RPTOR: variants seen among roughly 807,000 people sequenced by gnomAD.
RPTOR encodes regulatory-associated protein of mTOR.
Under a neutral mutation model 169.9 loss-of-function variants are expected in RPTOR, and 21 were observed. The ratio of observed to expected loss-of-function variants is 0.12; its 90% CI spans 0.09 to 0.18. RPTOR has a LOEUF of 0.18. Ranked by LOEUF, RPTOR falls within the 10% of genes least tolerant of loss-of-function variation. The probability of loss-of-function intolerance (pLI) is 1.00; values close to 1 mark genes in which losing one functional copy is unlikely to be tolerated. For missense variants in RPTOR, 1,133 were observed against 1,855.9 expected, an observed-to-expected ratio of 0.61 and a Z score of 7.16; for synonymous variants, 732 against 753.2, an observed-to-expected ratio of 0.97 and a Z score of 0.46.
At chr17:80,829,349 C>T (rs969298610) in intron 9 of RPTOR, among the ~76,000 whole-genome samples, 3 of 152,194 alleles carry the variant, frequency 2.0e-5, no homozygotes, top group African/African-American at 4.8e-5. Context: ...GGGCAGCGCC[C>T]GGGCTGTGCT....
intron 6 of RPTOR, among the ~76,000 whole-genome samples, chr17:80,775,504 A>G (rs1194520467): frequency 6.6e-6 from 1 of 152,220 alleles, no homozygotes. Flanking sequence ...TGAAAATACT[A>G]AAGTGCAGCA....
intron 1 of RPTOR, among the ~76,000 whole-genome samples, chr17:80,575,619 C>A (rs2064956074): frequency 6.6e-6 from 1 of 152,262 alleles, no homozygotes; most frequent in East Asian, 1.9e-4. Flanking sequence ...TGCTCTGTCC[C>A]TTATAGGCCC....
rs1158322066 is a variant in RPTOR at position 80,878,168 on chromosome 17, C to T, written c.1510-2247C>T. Among the ~76,000 whole-genome samples the T allele has an allele frequency of 1.3e-5, 2 of 152,190 alleles. No homozygotes were observed. The highest frequency in any genetic ancestry group is 2.9e-5 in the Non-Finnish European group (2 of 68,036). ...AGGAGCATGCTGGGAGCTGGCAGAA[C>T]GCACGCCTCACTCTGTCGATGCAGT... is the stretch of plus-strand genomic sequence containing the variant. On this transcript the variant is annotated intron_variant, in intron 13 of 33. Coordinates refer to ENST00000306801, the MANE Select transcript of RPTOR (RefSeq NM_020761.3). The surrounding 1 kb of genome is among the most constrained non-coding windows in gnomAD (Gnocchi z 4.1).
intron 11 of RPTOR, among the ~76,000 whole-genome samples, chr17:80,849,338 G>A (rs2067767988): frequency 6.6e-6 from 1 of 152,152 alleles, no homozygotes; most frequent in African/African-American, 2.4e-5. Flanking sequence ...CCAGGGTCAC[G>A]CACGGTGTCT....
At chr17:80,564,252 T>C (rs1010792976) in intron 1 of RPTOR, among the ~76,000 whole-genome samples, 40 of 152,072 alleles carry the variant, frequency 2.6e-4, no homozygotes, top group Admixed American at 1.4e-3. Flanking sequence ...TTAGTAGAGA[T>C]GGGGTTTTAC....
At chr17:80,700,689 T>A (rs2066085747) in intron 3 of RPTOR, among the ~76,000 whole-genome samples, 1 of 143,914 alleles carries the variant, frequency 6.9e-6, no homozygotes, top group East Asian at 2.0e-4. Flanking sequence ...GAGGTGGTGG[T>A]GATGGTGATG....
intron 3 of RPTOR, among the ~76,000 whole-genome samples, chr17:80,682,025 C>G (rs867545532): frequency 1.3e-5 from 2 of 151,748 alleles, no homozygotes; most frequent in African/African-American, 4.8e-5. Flanking sequence ...GCAGGCTGAC[C>G]GTTGGCCCCC....
intron 28 of RPTOR, among the ~76,000 whole-genome samples, chr17:80,954,073 C>G (rs943972405): frequency 1.3e-5 from 2 of 152,206 alleles, no homozygotes; most frequent in East Asian, 3.8e-4. Context: ...GCGGTCATCC[C>G]ACCTCAGCCT....
rs140186858 is a variant in RPTOR, at chr17:80,588,193, C to T, written c.163-37498C>T. Among the ~76,000 whole-genome samples, 1,229 of 147,846 alleles carry T rather than the reference C, an allele frequency of 8.3e-3. 23 individuals carry two copies. Among genetic ancestry groups the T allele is most frequent in the African/African-American group, 0.028 (1,134 of 39,836 alleles). On this transcript the variant is annotated intron_variant, in intron 1 of 33. Transcript: ENST00000306801. ...TTTTTTTTTTTTTGAGATGGAATCT[C>T]GCCATGTCGCCCCGGCTGGAGTGCA...
chr17:80,942,412 C>G (rs2144043248), intron 25 of RPTOR, among the ~76,000 whole-genome samples: 1 of 149,220 alleles, frequency 6.7e-6, no homozygotes, highest in African/African-American at 2.5e-5. Flanking sequence ...ATTTCTAGAC[C>G]AAAAAAAAGA....
intron 6 of RPTOR, among the ~76,000 whole-genome samples, chr17:80,789,324 T>TA (rs2067024466): frequency 6.6e-6 from 1 of 152,230 alleles, no homozygotes. Context: ...GAGGCTTCGT[T>TA]ATAGGACTAG....
chr17:80,701,832 C>T (rs547185089), intron 3 of RPTOR, among the ~76,000 whole-genome samples: 388 of 152,318 alleles, frequency 2.5e-3, no homozygotes, highest in Non-Finnish European at 3.9e-3. Flanking sequence ...CAGGGCTACC[C>T]CTGGTGGGAT....
intron 13 of RPTOR, among the ~76,000 whole-genome samples, chr17:80,877,676 G>T (rs1399488222): frequency 6.6e-6 from 1 of 152,194 alleles, no homozygotes; most frequent in Non-Finnish European, 1.5e-5. Context: ...TTTTTCTGTT[G>T]CCCTGGCCCT....
rs1484818164 is a variant in RPTOR at position 80,844,314 on chromosome 17, A to G, written c.1213-2159A>G. Among the ~76,000 whole-genome samples, 2 of 152,168 alleles carry G rather than the reference A, an allele frequency of 1.3e-5. No homozygotes were observed. Among genetic ancestry groups the G allele is most frequent in the Non-Finnish European group, 2.9e-5 (2 of 68,034 alleles). Reference sequence around the variant, plus strand: ...TTTTGTCAGTTTGAGGTGAATAGTCAGGAATTTTTCTCTTTCTGCATGGAG... The same window carrying G: ...TTTTGTCAGTTTGAGGTGAATAGTCGGGAATTTTTCTCTTTCTGCATGGAG... On this transcript the variant is annotated intron_variant, in intron 10 of 33. Coordinates refer to ENST00000306801, the MANE Select transcript of RPTOR (RefSeq NM_020761.3). This position sits in a 1 kb window ranked among gnomAD's most constrained non-coding sequence, Gnocchi z 4.7.
At chr17:80,896,996 C>T (rs916019256) in intron 20 of RPTOR, among the ~76,000 whole-genome samples, 16 of 152,218 alleles carry the variant, frequency 1.1e-4, no homozygotes, top group African/African-American at 2.9e-4. Context: ...CACGGTCCCT[C>T]ACGCCTGTAA....
intron 7 of RPTOR, among the ~76,000 whole-genome samples, chr17:80,818,541 A>G (rs2067346947): frequency 1.3e-5 from 2 of 152,172 alleles, no homozygotes; most frequent in South Asian, 4.1e-4. Flanking sequence ...ATTTAATTTT[A>G]TGTGACGTGA....
chr17:80,645,827 C>G lies in RPTOR; in HGVS notation c.348+2017C>G, dbSNP rs1007849. 1.9e-3 allele frequency among the ~76,000 whole-genome samples: 294 copies of G among 152,104 alleles called. 1 individual carries two copies. The highest frequency in any genetic ancestry group is 6.9e-3 in the African/African-American group (288 of 41,460). On this transcript the variant is annotated intron_variant, in intron 3 of 33. Coordinates refer to ENST00000306801, the MANE Select transcript of RPTOR (RefSeq NM_020761.3). Reference sequence around the variant, plus strand: ...TAGACTCAGTACAGGATGGAGGATTCCCTGCCCATGACAGTGGCACAGTTG... The same window carrying G: ...TAGACTCAGTACAGGATGGAGGATTGCCTGCCCATGACAGTGGCACAGTTG...
At chr17:80,736,993 T>C (rs2066438866) in intron 5 of RPTOR, among the ~76,000 whole-genome samples, 1 of 152,252 alleles carries the variant, frequency 6.6e-6, no homozygotes, top group African/African-American at 2.4e-5. Context: ...TTGTCATTTG[T>C]AGGCAGTAGG....
chr17:80,576,612 C>G (rs2064965717), intron 1 of RPTOR, among the ~76,000 whole-genome samples: 1 of 152,196 alleles, frequency 6.6e-6, no homozygotes, highest in Non-Finnish European at 1.5e-5. Context: ...ATGGGGCCAC[C>G]TACTTTGACT....
Sources: gnomAD v4.1 joint callset for allele counts (sites outside exome capture counted in the v4.1 genomes callset) on GRCh38, gnomAD v4.1.1 for gene constraint, Gnocchi (gnomAD v3.1) non-coding constraint, MANE v1.5 for transcripts, NCBI Gene and HGNC (gene_info 2026-07-23, HGNC 2026-07-21) for gene names.